The following RPL22 variants were observed in gnomAD, a reference collection of about 807,000 sequenced individuals.
RPL22 encodes the protein large ribosomal subunit protein eL22.
A neutral mutation model predicts 16.2 loss-of-function variants in RPL22; 4 were observed. The ratio of observed to expected loss-of-function variants is 0.25; its 90% CI spans 0.12 to 0.57. The LOEUF (loss-of-function observed/expected upper bound fraction) is 0.57. RPL22 is among the 20% of genes least tolerant of loss of function. RPL22 has a pLI of 0.92. For missense variants in RPL22, 83 were observed against 156.1 expected (o/e 0.53, Z 2.49); for synonymous variants, 43 against 54.8 (o/e 0.78, Z 0.95).
rs1259207118 is a variant in RPL22 at position 6,199,579 on chromosome 1, C to T, written c.-6G>A. ...ATACTAACCACAGGAGCCATGGCGG[C>T]AGCGGAGTTAGAAAGGGAGGTGAGC... On this transcript the variant is annotated 5_prime_UTR_variant, in exon 1 of 4. Transcript: ENST00000234875. The T allele has an allele frequency of 6.4e-7, 1 of 1,568,630 alleles. No individual in the cohort carries two copies. The highest frequency in any genetic ancestry group is 1.9e-5 in the Admixed American group (1 of 53,158).
intron 3 of RPL22, among the ~76,000 whole-genome samples, chr1:6,191,796 G>A (rs541059757): frequency 7.8e-4 from 118 of 152,092 alleles, no homozygotes; most frequent in African/African-American, 2.3e-3. Context: ...TTAAGAGTTC[G>A]AGACCAGCCT....
At chr1:6,196,182 G>A (rs1297399370) in intron 2 of RPL22, among the ~76,000 whole-genome samples, 1 of 152,228 alleles carries the variant, frequency 6.6e-6, no homozygotes, top group Non-Finnish European at 1.5e-5. Context: ...AATGACTTAA[G>A]TTTTCTATCC....
In RPL22 at chr1:6,199,580, A is replaced by C. The variant is rs1461285849; in HGVS notation, c.-7T>G. The C allele has an allele frequency of 1.3e-6, 2 of 1,568,340 alleles. No homozygotes were observed. Among genetic ancestry groups the C allele is most frequent in the Non-Finnish European group, 1.7e-6 (2 of 1,156,876 alleles). ...TACTAACCACAGGAGCCATGGCGGCAGCGGAGTTAGAAAGGGAGGTGAGCG... is the reference window on the plus strand; with the variant it reads ...TACTAACCACAGGAGCCATGGCGGCCGCGGAGTTAGAAAGGGAGGTGAGCG... On this transcript the variant is annotated 5_prime_UTR_variant, in exon 1 of 4. Transcript: ENST00000234875.
At chr1:6,194,434 A>G (rs560602754) in intron 2 of RPL22, among the ~76,000 whole-genome samples, 1 of 152,350 alleles carries the variant, frequency 6.6e-6, no homozygotes, top group Non-Finnish European at 1.5e-5. Flanking sequence ...TATTCTCTGC[A>G]AACTACTGTG....
chr1:6,189,245 A>C (rs1218208541), intron 3 of RPL22, among the ~76,000 whole-genome samples: 10 of 152,250 alleles, frequency 6.6e-5, no homozygotes, highest in Admixed American at 6.5e-4. Context: ...CCAACAAAGC[A>C]ATCGCCACAA....
intron 3 of RPL22, among the ~76,000 whole-genome samples, chr1:6,189,417 G>A (rs1667620871): frequency 6.6e-6 from 1 of 152,140 alleles, no homozygotes; most frequent in South Asian, 2.1e-4. Context: ...CCCTGACATA[G>A]CCGGACATGG....
chr1:6,189,688 G>C (rs1032245794), intron 3 of RPL22, among the ~76,000 whole-genome samples: 14 of 151,416 alleles, frequency 9.2e-5, no homozygotes, highest in Admixed American at 3.9e-4. Context: ...GGGAGGCCGA[G>C]GCGGGTGGAT....
intron 2 of RPL22, among the ~76,000 whole-genome samples, chr1:6,193,946 C>T (rs1169660901): frequency 1.3e-5 from 2 of 152,132 alleles, no homozygotes; most frequent in African/African-American, 4.8e-5. Flanking sequence ...CAAGATACGC[C>T]TGTAATCCCA....
chr1:6,188,830 C>T (rs1006170510), intron 3 of RPL22, among the ~76,000 whole-genome samples: 2 of 150,238 alleles, frequency 1.3e-5, no homozygotes, highest in Non-Finnish European at 3.0e-5. Context: ...GCTCTTGTTG[C>T]CCAGGCTGGA....
chr1:6,195,869 C>G (rs892168019), intron 2 of RPL22, among the ~76,000 whole-genome samples: 4 of 151,926 alleles, frequency 2.6e-5, no homozygotes, highest in African/African-American at 9.7e-5. Context: ...TCGAGACCAG[C>G]CTGACCAACA....
chr1:6,187,618 A>AC (rs1487058575), intron 3 of RPL22, among the ~76,000 whole-genome samples: 2 of 150,936 alleles, frequency 1.3e-5, no homozygotes, highest in Non-Finnish European at 3.0e-5. Context: ...CATCTCAAAA[A>AC]AAAAAAAACA....
chr1:6,196,425 T>A (rs1323270127), intron 2 of RPL22, among the ~76,000 whole-genome samples: 2 of 152,206 alleles, frequency 1.3e-5, no homozygotes, highest in East Asian at 3.9e-4. Flanking sequence ...AAACAGCATC[T>A]ACATAAAGGC....
intron 1 of RPL22, chr1:6,198,568 GAACT>G (rs1481876381): frequency 4.6e-5 from 7 of 152,324 alleles, no homozygotes; most frequent in African/African-American, 1.7e-4. Flanking sequence ...AAGCTCTGCA[GAACT>G]AAATAGACTT....
chr1:6,196,089 T>C (rs926484663), intron 2 of RPL22, among the ~76,000 whole-genome samples: 12 of 151,958 alleles, frequency 7.9e-5, no homozygotes, highest in Non-Finnish European at 1.6e-4. Context: ...TAAAATAAAA[T>C]AAACAAAAAG....
At chr1:6,192,889 AC>A in intron 3 of RPL22, 40 bp downstream of exon 3, 1 of 1,599,290 alleles carries the variant, frequency 6.3e-7, no homozygotes, top group Non-Finnish European at 8.5e-7. Context: ...CGGGCTGGGC[AC>A]TGGGTGCACG....
At chr1:6,191,494 C>A (rs535576838) in intron 3 of RPL22, among the ~76,000 whole-genome samples, 19 of 149,252 alleles carry the variant, frequency 1.3e-4, no homozygotes, top group African/African-American at 4.5e-4. Context: ...GGTGAAACCC[C>A]GTCTCTACTA....
Position 6,186,804 on chromosome 1 carries a change from A to G in RPL22, c.255T>C (p.Tyr85=), listed in dbSNP as rs373069290. The change falls in exon 4 of 4, where the codon TAT becomes TAC. Residue 85 remains tyrosine (Y), a synonymous_variant. Transcript: ENST00000234875. ...EVPFSKRYLK[Y]LTKKYLKKNN... is the part of the protein sequence containing the mutation. ...TCTTCTTCAAATATTTTTTGGTGAG[A>G]TATTTCAAATACCTGCAGAGAAAGG... The G allele has an allele frequency of 8.1e-6, 13 of 1,613,140 alleles. No individual in the cohort carries two copies. The highest frequency in any genetic ancestry group is 2.7e-5 in the African/African-American group (2 of 74,926).
rs113446760 is a variant in RPL22, at chr1:6,196,297, T to C, written c.117+1355A>G. Among the ~76,000 whole-genome samples, 7 of 152,134 alleles carry C rather than the reference T, an allele frequency of 4.6e-5. No homozygotes were observed. The East Asian group carries it at 1.2e-3, about 25-fold the overall frequency. ...GAATAATGCCAGAACAGGGCCACCATGTGAATACCAAACTGGAAGACACCA... is the reference window on the plus strand; with the variant it reads ...GAATAATGCCAGAACAGGGCCACCACGTGAATACCAAACTGGAAGACACCA... On this transcript the variant is annotated intron_variant, in intron 2 of 3. Coordinates refer to ENST00000234875, the MANE Select transcript of RPL22 (RefSeq NM_000983.4).
rs556049245 is a variant in RPL22 at position 6,186,245 on chromosome 1, A to C, written c.*427T>G. ...GCCCAGAAACCCGCATTTTATTGAC[A>C]GTCATTTTCCCACAGAGAATCTTAG... is the stretch of plus-strand genomic sequence containing the variant. On this transcript the variant is annotated 3_prime_UTR_variant, in exon 4 of 4. Transcript: ENST00000234875. The C allele has an allele frequency of 4.2e-6, 1 of 240,910 alleles. No individual in the cohort carries two copies. Among genetic ancestry groups the C allele is most frequent in the African/African-American group, 2.2e-5 (1 of 45,526 alleles). The allele number at this position is 240,910 out of a possible 1,614,324, so 14.9% of individuals were successfully genotyped here.
Sources: allele counts gnomAD v4.1 joint callset (sites outside exome capture counted in the v4.1 genomes callset), GRCh38; gene constraint gnomAD v4.1.1; transcripts MANE v1.5; gene names NCBI Gene and HGNC (gene_info 2026-07-23, HGNC 2026-07-21).